TRIP4: variants seen among roughly 807,000 people sequenced by gnomAD.
TRIP4 encodes thyroid hormone receptor interactor 4, also known as activating signal cointegrator 1.
Under a neutral mutation model 81.8 loss-of-function variants are expected in TRIP4, and 54 were observed. That is an observed-to-expected ratio of 0.66 (90% CI 0.53 to 0.83). The LOEUF (loss-of-function observed/expected upper bound fraction) is 0.83. TRIP4 is among the 40% of genes least tolerant of loss of function. TRIP4 has a pLI of 0.00. For synonymous variants in TRIP4, 270 were observed against 242.8 expected (o/e 1.11, Z -1.04); for missense variants, 662 against 683.6 (o/e 0.97, Z 0.35).
intron 12 of TRIP4, among the ~76,000 whole-genome samples, chr15:64,451,465 CTTTTTTTT>C (rs145401592): frequency 1.5e-5 from 1 of 64,690 alleles, no homozygotes; most frequent in South Asian, 6.3e-4. Flanking sequence ...CAAATCTGAT[CTTTTTTTT>C]TTTTTTTTTT....
chr15:64,390,074 AATATT>A (rs981362913), intron 1 of TRIP4, among the ~76,000 whole-genome samples: 2 of 146,536 alleles, frequency 1.4e-5, no homozygotes, highest in Non-Finnish European at 3.0e-5. Context: ...AAATATATCA[AATATT>A]ATATTAAATA....
chr15:64,425,677 G>A, intron 11 of TRIP4, 46 bp downstream of exon 11: 1 of 1,530,768 alleles, frequency 6.5e-7, no homozygotes, highest in South Asian at 1.2e-5. Flanking sequence ...GTTTCGCCAT[G>A]TTGGCCAGGC....
At chr15:64,443,853 C>T (rs1892568793) in intron 11 of TRIP4, among the ~76,000 whole-genome samples, 1 of 151,970 alleles carries the variant, frequency 6.6e-6, no homozygotes, top group Admixed American at 6.6e-5. Context: ...GAGACCCCAT[C>T]TTTAAAAAAA....
In TRIP4 at chr15:64,424,137, C is replaced by T. The variant is rs764341782; in HGVS notation, c.1465C>T (p.Arg489Cys). Residue 489 changes from arginine (R) to cysteine (C), a missense_variant, in exon 10 of 13, where the codon CGT becomes TGT. By Grantham distance (180) the Arg-to-Cys change is radical (BLOSUM62 -3). Coordinates refer to ENST00000261884, the MANE Select transcript of TRIP4 (RefSeq NM_016213.5). ...AGTCTCAGAACTCCAGGCTACATAT[C>T]GTCTTCTTCGTGGGAAAGGTAACAG... ...QEVSELQATY[R>C]LLRGKDVEFP... is the part of the protein sequence containing the mutation. 31 of 1,614,166 alleles carry T rather than the reference C, an allele frequency of 1.9e-5. No individual in the cohort carries two copies. Among genetic ancestry groups the T allele is most frequent in the East Asian group, 6.7e-5 (3 of 44,882 alleles).
rs1900169068 is a variant in TRIP4, at chr15:64,392,647, C to T, written c.102-1299C>T. Among the ~76,000 whole-genome samples, 3 of 151,968 alleles carry T rather than the reference C, an allele frequency of 2.0e-5. No homozygotes were observed. The South Asian group carries it at 6.2e-4, about 32-fold the overall frequency. ...TTTTTGCTTGTTTGAGACAGAGTCT[C>T]ATTCTGTTGCTCAGGCTGGAATGTA... On this transcript the variant is annotated intron_variant, in intron 1 of 12. Coordinates refer to ENST00000261884, the MANE Select transcript of TRIP4 (RefSeq NM_016213.5).
In TRIP4 at chr15:64,418,614, C is replaced by T. The variant is rs755220366; in HGVS notation, c.1244C>T (p.Ser415Leu). The T allele has an allele frequency of 4.3e-6, 7 of 1,613,674 alleles. No individual in the cohort carries two copies. The highest frequency in any genetic ancestry group is 1.3e-5 in the African/African-American group (1 of 74,914). The change falls in exon 9 of 13, where the codon TCA becomes TTA. Residue 415 changes from serine to leucine, a missense_variant. Physicochemically the swap from Ser to Leu is moderately radical, Grantham distance 145. Transcript: ENST00000261884. The part of the protein sequence containing the change: ...RSSGFGLEFN[S>L]FQHQLRIQDQ... Reference sequence around the variant, plus strand: ...TCAGGATTTGGACTAGAGTTCAACTCATTTCAGCACCAGTTGCGAATCCAG... The same window carrying T: ...TCAGGATTTGGACTAGAGTTCAACTTATTTCAGCACCAGTTGCGAATCCAG...
Position 64,391,883 on chromosome 15 carries a change from A to G in TRIP4, c.102-2063A>G, listed in dbSNP as rs149083766. Among the ~76,000 whole-genome samples the G allele has an allele frequency of 9.1e-3, 1,317 of 144,674 alleles. 22 individuals carry two copies. Among genetic ancestry groups the G allele is most frequent in the African/African-American group, 0.032 (1,262 of 39,384 alleles). 94.9% of individuals were successfully genotyped at this position (144,674 alleles called of 152,430 possible). ...CTACTCAGGAGGCTGAGGCAGGAGA[A>G]TTTCTTGAACCTAGGAGCCAGAGGT... On this transcript the variant is annotated intron_variant, in intron 1 of 12. Transcript: ENST00000261884.
chr15:64,420,951 A>G (rs1173755880), intron 9 of TRIP4, among the ~76,000 whole-genome samples: 1 of 152,180 alleles, frequency 6.6e-6, no homozygotes, highest in Non-Finnish European at 1.5e-5. Flanking sequence ...TATGAAATAC[A>G]CGCATGTGCT....
intron 9 of TRIP4, 121 bp downstream of exon 9, chr15:64,418,849 A>T: frequency 1.1e-6 from 1 of 923,958 alleles, no homozygotes; most frequent in Non-Finnish European, 1.5e-6. Context: ...TCTTCAATAA[A>T]TAGAACTTTG....
intron 5 of TRIP4, among the ~76,000 whole-genome samples, chr15:64,401,426 C>A (rs138134529): frequency 0.048 from 7,318 of 152,108 alleles, 234 homozygotes; most frequent in South Asian, 0.086. Context: ...TAAGCCACCA[C>A]GCCCAGCCAA....
rs189754401 is a variant in TRIP4 at position 64,412,079 on chromosome 15, T to G, written c.1044-2006T>G. Among the ~76,000 whole-genome samples the G allele has an allele frequency of 2.5e-4, 38 of 152,334 alleles. No individual in the cohort carries two copies. The East Asian group carries it at 6.0e-3, about 24-fold the overall frequency. Reference sequence around the variant, plus strand: ...AGATTTTTTAAAAAAATTGCCATTTTCAGACATGAAAAATAGTATTTCATT... The same window carrying G: ...AGATTTTTTAAAAAAATTGCCATTTGCAGACATGAAAAATAGTATTTCATT... On this transcript the variant is annotated intron_variant, in intron 7 of 12. Coordinates refer to ENST00000261884, the MANE Select transcript of TRIP4 (RefSeq NM_016213.5).
chr15:64,402,942 C>T (rs1596339540), intron 5 of TRIP4, among the ~76,000 whole-genome samples: 1 of 152,016 alleles, frequency 6.6e-6, no homozygotes, highest in Non-Finnish European at 1.5e-5. Flanking sequence ...TCGCTGCAAG[C>T]TCCATCTCCC....
intron 9 of TRIP4, among the ~76,000 whole-genome samples, chr15:64,422,028 CAAA>C: frequency 9.4e-6 from 1 of 106,058 alleles, no homozygotes; most frequent in South Asian, 2.9e-4. Flanking sequence ...GACTCAGTCT[CAAA>C]AAAAAAAAAA....
intron 9 of TRIP4, among the ~76,000 whole-genome samples, chr15:64,421,781 C>T (rs571153532): frequency 5.3e-5 from 8 of 152,280 alleles, no homozygotes; most frequent in Admixed American, 3.3e-4. Context: ...CGGTGGCTCA[C>T]GCCTATAATC....
rs1034597935 is a variant in TRIP4 at position 64,446,975 on chromosome 15, G to A, written c.1678+1867G>A. On this transcript the variant is annotated intron_variant, in intron 12 of 12. Coordinates refer to ENST00000261884, the MANE Select transcript of TRIP4 (RefSeq NM_016213.5). ...AAAAATTAGCCAGGCATGGTAGCGG[G>A]CACCTGTAGTCCCAGCTACTCGGGA... 2.8e-4 allele frequency among the ~76,000 whole-genome samples: 42 copies of A among 152,040 alleles called. 1 individual carries two copies. Among genetic ancestry groups the A allele is most frequent in the African/African-American group, 1.0e-3 (42 of 41,504 alleles).
At chr15:64,414,665 C>T (rs764722311) in intron 8 of TRIP4, among the ~76,000 whole-genome samples, 6 of 151,532 alleles carry the variant, frequency 4.0e-5, no homozygotes, top group Admixed American at 6.6e-5. Context: ...TACAGGTGCC[C>T]GCTACCACGC....
In TRIP4 at chr15:64,424,136, T is replaced by C. The variant is rs1448736462; in HGVS notation, c.1464T>C (p.Tyr488=). Residue 488 remains tyrosine, a synonymous_variant, in exon 10 of 13, where the codon TAT becomes TAC. Coordinates refer to ENST00000261884, the MANE Select transcript of TRIP4 (RefSeq NM_016213.5). ...PQEVSELQAT[Y]RLLRGKDVEF... is the part of the protein sequence containing the mutation. The stretch of plus-strand genomic sequence containing the variant: ...AAGTCTCAGAACTCCAGGCTACATA[T>C]CGTCTTCTTCGTGGGAAAGGTAACA... The C allele has an allele frequency of 1.9e-6, 3 of 1,614,168 alleles. No individual in the cohort carries two copies. Among genetic ancestry groups the C allele is most frequent in the East Asian group, 4.5e-5 (2 of 44,882 alleles).
chr15:64,430,596 C>T, intron 11 of TRIP4, among the ~76,000 whole-genome samples: 1 of 152,082 alleles, frequency 6.6e-6, no homozygotes, highest in Admixed American at 6.6e-5. Flanking sequence ...AGTTTTCAAA[C>T]AAAAAGTTGA....
At chr15:64,402,775 C>T (rs1324413259) in intron 5 of TRIP4, among the ~76,000 whole-genome samples, 2 of 152,156 alleles carry the variant, frequency 1.3e-5, no homozygotes, top group Admixed American at 6.6e-5. Flanking sequence ...ATCTGCCCAC[C>T]TCAACCTCCC....
Sources: allele counts gnomAD v4.1 joint callset (sites outside exome capture counted in the v4.1 genomes callset), GRCh38; gene constraint gnomAD v4.1.1; transcripts MANE v1.5; gene names NCBI Gene and HGNC (gene_info 2026-07-23, HGNC 2026-07-21).